Variants in AGBL3 observed in about 807,000 individuals in gnomAD.
The protein encoded by AGBL3 is cytosolic carboxypeptidase 3.
AGBL3 carries 68 observed loss-of-function variants against 94.5 expected under a neutral mutation model. The observed-to-expected ratio is 0.72, with a 90% CI of 0.59 to 0.88. The LOEUF (loss-of-function observed/expected upper bound fraction) is 0.88, where lower values mean the gene tolerates loss of function less well. Among genes scored for constraint, AGBL3 ranks in the 40% least tolerant of loss-of-function variants. The pLI, the probability that AGBL3 is intolerant of heterozygous loss-of-function variation, is 0.00. For synonymous variants in AGBL3, 354 were observed against 370.7 expected (o/e 0.95, Z 0.52); for missense variants, 934 against 1,103.8 (o/e 0.85, Z 2.18).
chr7:135,074,590 A>G (rs1403413359), intron 12 of AGBL3, among the ~76,000 whole-genome samples: 1 of 151,914 alleles, frequency 6.6e-6, no homozygotes, highest in Non-Finnish European at 1.5e-5. Context: ...CCATTTGCCA[A>G]TCTTTCCCTC....
At chr7:135,130,593 T>G (rs1828601972) in intron 16 of AGBL3, among the ~76,000 whole-genome samples, 1 of 151,806 alleles carries the variant, frequency 6.6e-6, no homozygotes, top group South Asian at 2.1e-4. Context: ...GGAGAAAGCT[T>G]AATAATATAT....
intron 15 of AGBL3, among the ~76,000 whole-genome samples, chr7:135,106,178 CAT>C (rs1435636978): frequency 6.6e-6 from 1 of 152,142 alleles, no homozygotes; most frequent in Non-Finnish European, 1.5e-5. Flanking sequence ...TGCAAACAGG[CAT>C]AGTCTGAATT....
intron 15 of AGBL3, among the ~76,000 whole-genome samples, chr7:135,095,447 C>A (rs1027673404): frequency 5.3e-5 from 8 of 152,120 alleles, no homozygotes; most frequent in Non-Finnish European, 1.2e-4. Flanking sequence ...GAATTCCAAG[C>A]CTTTGATACT....
At chr7:135,030,486 G>C (rs986518633) in intron 5 of AGBL3, among the ~76,000 whole-genome samples, 9 of 152,156 alleles carry the variant, frequency 5.9e-5, no homozygotes, top group African/African-American at 1.7e-4. Flanking sequence ...GAGACCATCT[G>C]TATGTAATGT....
At chr7:135,126,491 T>C (rs758354078) in intron 16 of AGBL3, among the ~76,000 whole-genome samples, 1 of 152,164 alleles carries the variant, frequency 6.6e-6, no homozygotes, top group Non-Finnish European at 1.5e-5. Flanking sequence ...TCAACACTTT[T>C]CCCATCAAAC....
chr7:134,991,834 C>A (rs1339619311), intron 3 of AGBL3, among the ~76,000 whole-genome samples: 3 of 151,246 alleles, frequency 2.0e-5, no homozygotes, highest in South Asian at 2.1e-4. Context: ...AAAAAAAAGA[C>A]TCAGTTTCTA....
chr7:135,134,773 C>A, intron 16 of AGBL3, 68 bp from the exon 17 acceptor site: 1 of 1,343,818 alleles, frequency 7.4e-7, no homozygotes, highest in Non-Finnish European at 1.0e-6. Flanking sequence ...TATACTATGA[C>A]AACATACCTA....
Position 135,038,179 on chromosome 7 carries a change from A to C in AGBL3, c.1500+599A>C, listed in dbSNP as rs144803342. Among the ~76,000 whole-genome samples, 621 of 152,316 alleles carry C rather than the reference A, an allele frequency of 4.1e-3. 6 individuals are homozygous for C. The highest frequency in any genetic ancestry group is 0.014 in the African/African-American group (592 of 41,564). On this transcript the variant is annotated intron_variant, in intron 8 of 16. Transcript: ENST00000436302. ...AACATAGCAAAGAAAATTCCTGCAGACTTTCCTTTAAGTTCTCAACCAACA... is the reference window on the plus strand; with the variant it reads ...AACATAGCAAAGAAAATTCCTGCAGCCTTTCCTTTAAGTTCTCAACCAACA...
At chr7:135,064,718 C>T (rs1182891251) in intron 12 of AGBL3, among the ~76,000 whole-genome samples, 3 of 152,190 alleles carry the variant, frequency 2.0e-5, no homozygotes, top group African/African-American at 7.2e-5. Flanking sequence ...AGTTTCCATT[C>T]CATGAGGACA....
chr7:135,045,323 T>G, intron 9 of AGBL3, 151 bp from the exon 10 acceptor site: 12 of 626,452 alleles, frequency 1.9e-5, no homozygotes, highest in Non-Finnish European at 2.2e-5. Context: ...GGGAAAGCAA[T>G]GAGATGTTAA....
At chr7:135,106,798 G>C (rs145829389) in intron 15 of AGBL3, among the ~76,000 whole-genome samples, 1 of 152,066 alleles carries the variant, frequency 6.6e-6, no homozygotes, top group South Asian at 2.1e-4. Flanking sequence ...GTACCAGCTC[G>C]TCTTTGTACA....
At chr7:135,022,535 A>T (rs1298399145) in intron 5 of AGBL3, among the ~76,000 whole-genome samples, 1 of 150,982 alleles carries the variant, frequency 6.6e-6, no homozygotes, top group Non-Finnish European at 1.5e-5. Flanking sequence ...AATTTGTTTT[A>T]CGTTCTTGTA....
chr7:135,129,328 C>G, intron 16 of AGBL3: 3 of 1,224,072 alleles, frequency 2.5e-6, no homozygotes, highest in Non-Finnish European at 3.6e-6. Context: ...AAGGTGACTG[C>G]AGAGAAATTA....
chr7:135,111,032 T>G (rs1825562157), intron 15 of AGBL3, among the ~76,000 whole-genome samples: 1 of 152,138 alleles, frequency 6.6e-6, no homozygotes, highest in Non-Finnish European at 1.5e-5. Context: ...TATTCTAAAC[T>G]TTTTCCTCTC....
rs1828279586 is a variant in AGBL3 at position 135,128,560 on chromosome 7, T to A, written c.2343-6281T>A. The A allele has an allele frequency of 3.9e-6, 3 of 768,886 alleles. No individual in the cohort carries two copies. In the Admixed American group the frequency reaches 5.2e-5, roughly 13 times the overall value. The allele number at this position is 768,886 out of a possible 1,614,324, so 47.6% of individuals were successfully genotyped here. ...GTGGAGAAACCAGGATCTATTTGGA[T>A]TTGCCATAGAATTTCAAGATGTTTG... On this transcript the variant is annotated intron_variant, in intron 16 of 16. Coordinates refer to ENST00000436302, the MANE Select transcript of AGBL3 (RefSeq NM_178563.4).
chr7:135,020,283 A>T (rs1814287293), intron 5 of AGBL3, among the ~76,000 whole-genome samples: 1 of 152,260 alleles, frequency 6.6e-6, no homozygotes, highest in Admixed American at 6.5e-5. Context: ...GGAGACATTT[A>T]TGCAGCCAAC....
intron 4 of AGBL3, among the ~76,000 whole-genome samples, chr7:134,998,819 C>G (rs1239837453): frequency 6.6e-6 from 1 of 152,168 alleles, no homozygotes; most frequent in Non-Finnish European, 1.5e-5. Context: ...TCTCCAACCA[C>G]TGCCCCAGGC....
At chr7:135,111,033 T>G (rs905928061) in intron 15 of AGBL3, among the ~76,000 whole-genome samples, 1 of 152,152 alleles carries the variant, frequency 6.6e-6, no homozygotes, top group African/African-American at 2.4e-5. Context: ...ATTCTAAACT[T>G]TTTCCTCTCT....
At chr7:135,031,963 T>C (rs1021541532) in intron 5 of AGBL3, among the ~76,000 whole-genome samples, 2 of 152,186 alleles carry the variant, frequency 1.3e-5, no homozygotes, top group African/African-American at 4.8e-5. Context: ...TCTCTCTCTA[T>C]GTAGCTTTCT....
Sources: gnomAD v4.1 joint callset for allele counts (sites outside exome capture counted in the v4.1 genomes callset) on GRCh38, gnomAD v4.1.1 for gene constraint, MANE v1.5 for transcripts, NCBI Gene and HGNC (gene_info 2026-07-23, HGNC 2026-07-21) for gene names.